DDX46: variants seen among roughly 807,000 people sequenced by gnomAD.
DDX46 encodes probable ATP-dependent RNA helicase DDX46.
In DDX46, 30 loss-of-function variants were observed where a neutral mutation model predicts 134.9. The ratio of observed to expected loss-of-function variants is 0.22; its 90% CI spans 0.17 to 0.30. DDX46 has a LOEUF of 0.30. Ranked by LOEUF, DDX46 falls within the 10% of genes least tolerant of loss-of-function variation. DDX46 has a pLI of 1.00. For synonymous variants in DDX46, 415 were observed against 404.1 expected (o/e 1.03, Z -0.32); for missense variants, 622 against 1,248.7 (o/e 0.50, Z 7.56).
chr5:134,781,980 A>G lies in DDX46; in HGVS notation c.939A>G (p.Lys313=). The G allele has an allele frequency of 6.2e-7, 1 of 1,611,758 alleles. No individual in the cohort carries two copies. The highest frequency in any genetic ancestry group is 8.5e-7 in the Non-Finnish European group (1 of 1,179,548). ...LQTALTGYQT[K]QRKLLEPVDH... ...CAGCCCTTACAGGGTATCAAACAAAACAGCGAAAGCTTCTAGAACCAGTTG... is the reference window on the plus strand; with the variant it reads ...CAGCCCTTACAGGGTATCAAACAAAGCAGCGAAAGCTTCTAGAACCAGTTG... The change falls in exon 8 of 23, where the codon AAA becomes AAG. Residue 313 remains lysine (K), a synonymous_variant. Coordinates refer to ENST00000452510, the MANE Select transcript of DDX46 (RefSeq NM_001300860.2).
At chr5:134,787,749 G>A (rs1754380952) in intron 11 of DDX46, among the ~76,000 whole-genome samples, 2 of 152,136 alleles carry the variant, frequency 1.3e-5, no homozygotes, top group Non-Finnish European at 2.9e-5. Flanking sequence ...GCTCATACCT[G>A]TAATCATCAC....
At chr5:134,789,132 A>G (rs1284331466) in intron 12 of DDX46, 1 of 152,226 alleles carries the variant, frequency 6.6e-6, no homozygotes, top group African/African-American at 2.4e-5. Context: ...GCATGTTTGT[A>G]GCTCAAATGT....
Position 134,828,813 on chromosome 5 carries a change from G to A in DDX46, c.*107G>A, listed in dbSNP as rs1755659195. The A allele has an allele frequency of 2.8e-5, 24 of 847,720 alleles. No homozygotes were observed. Among genetic ancestry groups the A allele is most frequent in the Non-Finnish European group, 3.9e-5 (24 of 611,654 alleles). 52.5% of individuals were successfully genotyped at this position (847,720 alleles called of 1,614,324 possible). On this transcript the variant is annotated 3_prime_UTR_variant, in exon 23 of 23. Coordinates refer to ENST00000452510, the MANE Select transcript of DDX46 (RefSeq NM_001300860.2). ...ATGAAGATTTTTTAAATTCTATCTT[G>A]CTGATTTTTTTTAAATATAAGAAAC...
chr5:134,796,089 T>A lies in DDX46; in HGVS notation c.1893T>A (p.His631Gln). ...SVIIFVDKQEHADGLLKDLMR... is the reference protein window; with the variant it reads ...SVIIFVDKQEQADGLLKDLMR... Reference sequence around the variant, plus strand: ...TTATATTTGTGGATAAGCAGGAACATGCTGATGGTCTTCTTAAGGATTTAA... The same window carrying A: ...TTATATTTGTGGATAAGCAGGAACAAGCTGATGGTCTTCTTAAGGATTTAA... The change falls in exon 15 of 23, where the codon CAT (histidine) becomes CAA (glutamine). Residue 631 changes from histidine to glutamine, a missense_variant. Physicochemically the swap from His to Gln is conservative, Grantham distance 24. This residue lies in a region of DDX46 where 209 missense variants were observed against 508.4 expected (regional missense o/e 0.41). Transcript: ENST00000452510. 1 of 1,613,942 alleles carries A rather than the reference T, an allele frequency of 6.2e-7. No homozygotes were observed. The highest frequency in any genetic ancestry group is 1.1e-5 in the South Asian group (1 of 91,072).
chr5:134,771,275 A>G lies in DDX46; in HGVS notation c.447+276A>G, dbSNP rs1023086734. 1.3e-4 allele frequency among the ~76,000 whole-genome samples: 20 copies of G among 151,372 alleles called. 1 individual carries two copies. The highest frequency in any genetic ancestry group is 2.2e-4 in the Non-Finnish European group (15 of 67,704). On this transcript the variant is annotated intron_variant, in intron 4 of 22. Transcript: ENST00000452510. ...ATGCCCAGCTAATTTTTGTATTTTT[A>G]GTAGAGATGGGGTTTCACTGTGTTG...
chr5:134,783,491 T>C, intron 9 of DDX46, among the ~76,000 whole-genome samples: 1 of 150,778 alleles, frequency 6.6e-6, no homozygotes, highest in Non-Finnish European at 1.5e-5. Flanking sequence ...CCTCAGGTGA[T>C]CCGCCCGCCT....
chr5:134,765,041 A>G (rs1389852089), intron 2 of DDX46, among the ~76,000 whole-genome samples: 1 of 151,612 alleles, frequency 6.6e-6, no homozygotes, highest in Non-Finnish European at 1.5e-5. Flanking sequence ...GATTTAAACT[A>G]AAGAGCGCCT....
chr5:134,797,475 C>A (rs1754701047), intron 15 of DDX46, among the ~76,000 whole-genome samples: 1 of 152,174 alleles, frequency 6.6e-6, no homozygotes, highest in Non-Finnish European at 1.5e-5. Flanking sequence ...CTCAGTTAGA[C>A]CTTGGTCATG....
chr5:134,762,281 G>A (rs897306119), intron 1 of DDX46, among the ~76,000 whole-genome samples: 10 of 150,862 alleles, frequency 6.6e-5, no homozygotes, highest in Admixed American at 3.3e-4. Flanking sequence ...TGGTGGGCGC[G>A]GTGGTGTGTG....
At chr5:134,768,279 T>G (rs993132614) in intron 3 of DDX46, among the ~76,000 whole-genome samples, 5 of 151,716 alleles carry the variant, frequency 3.3e-5, no homozygotes, top group Non-Finnish European at 1.5e-5. Flanking sequence ...CCAGCTAATT[T>G]TTTGTATTTT....
At chr5:134,797,935 C>T (rs548681220) in intron 15 of DDX46, among the ~76,000 whole-genome samples, 2 of 152,168 alleles carry the variant, frequency 1.3e-5, no homozygotes, top group Non-Finnish European at 2.9e-5. Flanking sequence ...GCCTCAGCCT[C>T]CCCAGTAGCT....
chr5:134,758,785 T>C lies in DDX46; in HGVS notation c.-154T>C. 8.3e-7 allele frequency: 1 copy of C among 1,207,068 alleles called. No homozygotes were observed. The highest frequency in any genetic ancestry group is 1.2e-6 in the Non-Finnish European group (1 of 844,146). 74.8% of individuals were successfully genotyped at this position (1,207,068 alleles called of 1,614,324 possible). A position where few individuals can be genotyped will look rare whatever the true frequency, so the allele number is the denominator to read the frequency against. ...CTGCCGGCGCCAGCACGTCCTGTTT[T>C]CGTTGGCCGCGCTGGGATGGCCGCC... On this transcript the variant is annotated 5_prime_UTR_variant, in exon 1 of 23. Transcript: ENST00000452510.
chr5:134,794,316 A>G (rs1165101757), intron 13 of DDX46, among the ~76,000 whole-genome samples: 2 of 152,188 alleles, frequency 1.3e-5, no homozygotes, highest in Non-Finnish European at 2.9e-5. Flanking sequence ...AATAGCCACA[A>G]TTTATCTTCC....
intron 22 of DDX46, among the ~76,000 whole-genome samples, chr5:134,827,495 G>C (rs950193822): frequency 6.6e-6 from 1 of 152,074 alleles, no homozygotes; most frequent in Non-Finnish European, 1.5e-5. Context: ...GGCTGGTCTC[G>C]AACTCCTGAC....
At chr5:134,818,224 G>T (rs1304938555) in intron 20 of DDX46, among the ~76,000 whole-genome samples, 1 of 151,566 alleles carries the variant, frequency 6.6e-6, no homozygotes, top group African/African-American at 2.4e-5. Context: ...CTCCCAAAGT[G>T]CTGGGATTAC....
intron 11 of DDX46, among the ~76,000 whole-genome samples, chr5:134,785,842 A>C (rs958706827): frequency 6.6e-6 from 1 of 151,206 alleles, no homozygotes; most frequent in South Asian, 2.1e-4. Context: ...TAGATCTCAC[A>C]TCATGTTTTT....
chr5:134,763,161 G>C (rs750711460), intron 1 of DDX46, among the ~76,000 whole-genome samples: 1 of 152,148 alleles, frequency 6.6e-6, no homozygotes, highest in Non-Finnish European at 1.5e-5. Context: ...GAGCCTCAGA[G>C]AGTTGAAGTT....
chr5:134,785,601 A>G lies in DDX46; in HGVS notation c.1464+15A>G. The G allele has an allele frequency of 6.3e-7, 1 of 1,590,640 alleles. No individual in the cohort carries two copies. Among genetic ancestry groups the G allele is most frequent in the Non-Finnish European group, 8.5e-7 (1 of 1,171,024 alleles). ...TCAGTGAGCAGGTAGTTATATAAGA[A>G]ACATTCATGTTTTCCATTCTTTTCT... is the stretch of plus-strand genomic sequence containing the variant. On this transcript the variant is annotated intron_variant, in intron 11 of 22. Coordinates refer to ENST00000452510, the MANE Select transcript of DDX46 (RefSeq NM_001300860.2).
chr5:134,771,302 C>A (rs1022827535), intron 4 of DDX46, among the ~76,000 whole-genome samples: 1 of 150,580 alleles, frequency 6.6e-6, no homozygotes, highest in African/African-American at 2.4e-5. Context: ...ACTGTGTTGG[C>A]CAGGCTGGTC....
Sources: allele counts gnomAD v4.1 joint callset (sites outside exome capture counted in the v4.1 genomes callset), GRCh38; gene constraint gnomAD v4.1.1; regional missense constraint gnomAD v4.1.1; transcripts MANE v1.5; gene names NCBI Gene and HGNC (gene_info 2026-07-23, HGNC 2026-07-21).